The following SSBP2 variants were observed in gnomAD, a reference collection of about 807,000 sequenced individuals.
The protein encoded by SSBP2 is single stranded DNA binding protein 2, also known as single-stranded DNA-binding protein 2.
SSBP2 carries 17 observed loss-of-function variants against 61.8 expected under a neutral mutation model. The ratio of observed to expected loss-of-function variants is 0.28; its 90% CI spans 0.19 to 0.41. SSBP2 has a LOEUF of 0.41. Ranked by LOEUF, SSBP2 falls within the 10% of genes least tolerant of loss-of-function variation. The probability of loss-of-function intolerance (pLI) is 1.00; values close to 1 mark genes in which losing one functional copy is unlikely to be tolerated. For synonymous variants in SSBP2, 139 were observed against 141.3 expected (o/e 0.98, Z 0.12); for missense variants, 310 against 458.7 (o/e 0.68, Z 2.96).
chr5:81,650,116 T>C (rs922931287), intron 2 of SSBP2, 151 bp downstream of exon 2: 8 of 493,142 alleles, frequency 1.6e-5, no homozygotes, highest in Admixed American at 4.2e-5. Flanking sequence ...AAAATGCTTA[T>C]ACATAATCTA....
intron 15 of SSBP2, among the ~76,000 whole-genome samples, chr5:81,436,432 T>C (rs1448924470): frequency 6.6e-6 from 1 of 152,106 alleles, no homozygotes; most frequent in Non-Finnish European, 1.5e-5. Flanking sequence ...AATATAGACA[T>C]CCAAAATACA....
intron 15 of SSBP2, among the ~76,000 whole-genome samples, chr5:81,431,371 TCA>T (rs1762274737): frequency 1.3e-5 from 2 of 152,148 alleles, no homozygotes; most frequent in Non-Finnish European, 2.9e-5. Flanking sequence ...GATACCAACT[TCA>T]AGAAATTTTA....
At chr5:81,664,472 G>A (rs2153750556) in intron 1 of SSBP2, among the ~76,000 whole-genome samples, 1 of 152,148 alleles carries the variant, frequency 6.6e-6, no homozygotes, top group African/African-American at 2.4e-5. Flanking sequence ...AAAATAGTAG[G>A]TAACTAATAA....
chr5:81,707,941 AAG>A (rs1754511369), intron 1 of SSBP2, among the ~76,000 whole-genome samples: 1 of 152,166 alleles, frequency 6.6e-6, no homozygotes, highest in South Asian at 2.1e-4. Flanking sequence ...CTTTAAGAAA[AAG>A]AGCATAAAGT....
At chr5:81,638,109 G>C (rs1053541536) in intron 2 of SSBP2, among the ~76,000 whole-genome samples, 3 of 129,754 alleles carry the variant, frequency 2.3e-5, no homozygotes, top group Non-Finnish European at 4.8e-5. Context: ...GTTGTGGGGT[G>C]GGGGGAGGGG....
intron 5 of SSBP2, among the ~76,000 whole-genome samples, chr5:81,500,686 C>A (rs1280351153): frequency 6.6e-6 from 1 of 151,914 alleles, no homozygotes; most frequent in Non-Finnish European, 1.5e-5. Context: ...GTCTTGATCT[C>A]TTGACCTTGT....
At chr5:81,551,983 A>G (rs1772227861) in intron 4 of SSBP2, among the ~76,000 whole-genome samples, 1 of 152,206 alleles carries the variant, frequency 6.6e-6, no homozygotes, top group Non-Finnish European at 1.5e-5. Context: ...TTGAATCATA[A>G]AAGGTATCAG....
chr5:81,449,801 C>T (rs903558894), intron 10 of SSBP2, among the ~76,000 whole-genome samples: 6 of 152,082 alleles, frequency 3.9e-5, no homozygotes, highest in Non-Finnish European at 7.3e-5. Context: ...TCTTGCTTTG[C>T]CTTACGCACA....
intron 1 of SSBP2, among the ~76,000 whole-genome samples, chr5:81,692,906 A>C (rs1383988677): frequency 6.6e-6 from 1 of 152,118 alleles, no homozygotes; most frequent in African/African-American, 2.4e-5. Flanking sequence ...TAAAACTCTT[A>C]AAAGAAAATA....
intron 4 of SSBP2, among the ~76,000 whole-genome samples, chr5:81,595,452 A>G (rs1355013853): frequency 1.3e-5 from 2 of 152,140 alleles, no homozygotes; most frequent in East Asian, 1.9e-4. Flanking sequence ...AACTATTCCA[A>G]TCGATAGAAA....
At chr5:81,457,646 G>A (rs1211225404) in intron 10 of SSBP2, among the ~76,000 whole-genome samples, 1 of 151,990 alleles carries the variant, frequency 6.6e-6, no homozygotes, top group East Asian at 1.9e-4. Context: ...CTGAAATGAT[G>A]CATTGAGAAA....
chr5:81,458,203 T>C (rs952865498), intron 10 of SSBP2, among the ~76,000 whole-genome samples: 2 of 152,202 alleles, frequency 1.3e-5, no homozygotes, highest in African/African-American at 4.8e-5. Context: ...AACAAGTAAA[T>C]TGGGATTTTC....
At chr5:81,547,935 A>G (rs1051922639) in intron 4 of SSBP2, among the ~76,000 whole-genome samples, 2 of 152,210 alleles carry the variant, frequency 1.3e-5, no homozygotes, top group African/African-American at 4.8e-5. Flanking sequence ...AAGATAGGAC[A>G]CAAGGATTTT....
At chr5:81,488,774 A>G (rs941698168) in intron 6 of SSBP2, among the ~76,000 whole-genome samples, 1 of 137,970 alleles carries the variant, frequency 7.2e-6, no homozygotes, top group Non-Finnish European at 1.5e-5. Context: ...TCACTGTTCA[A>G]TTTTCACCTA....
intron 1 of SSBP2, among the ~76,000 whole-genome samples, chr5:81,727,300 A>T (rs1161164959): frequency 1.3e-5 from 2 of 152,232 alleles, no homozygotes; most frequent in Non-Finnish European, 2.9e-5. Flanking sequence ...CTGTAATTCC[A>T]GCACTTTGGG....
At chr5:81,693,999 A>C (rs1237275790) in intron 1 of SSBP2, among the ~76,000 whole-genome samples, 1 of 152,224 alleles carries the variant, frequency 6.6e-6, no homozygotes, top group East Asian at 1.9e-4. Context: ...GCCATAAAAA[A>C]AAAGAATGAG....
chr5:81,475,165 C>G (rs1338631086), intron 6 of SSBP2, among the ~76,000 whole-genome samples: 1 of 152,112 alleles, frequency 6.6e-6, no homozygotes, highest in Non-Finnish European at 1.5e-5. Context: ...CCATAAGTTT[C>G]TAACAGTTGT....
At chr5:81,744,206 T>C (rs952847711) in intron 1 of SSBP2, among the ~76,000 whole-genome samples, 2 of 152,240 alleles carry the variant, frequency 1.3e-5, no homozygotes, top group African/African-American at 4.8e-5. Flanking sequence ...ACTCTTTATA[T>C]ACTATTTAGG....
chr5:81,524,759 GT>G (rs1317801324), intron 4 of SSBP2, among the ~76,000 whole-genome samples: 4 of 152,004 alleles, frequency 2.6e-5, no homozygotes, highest in African/African-American at 9.7e-5. Flanking sequence ...TGTGTGAATA[GT>G]TTTTTCCCTT....
Sources: allele counts gnomAD v4.1 joint callset (sites outside exome capture counted in the v4.1 genomes callset), GRCh38; gene constraint gnomAD v4.1.1; transcripts MANE v1.5; gene names NCBI Gene and HGNC (gene_info 2026-07-23, HGNC 2026-07-21).